CSMD1: variants seen among roughly 807,000 people sequenced by gnomAD.
The protein encoded by CSMD1 is CUB and sushi domain-containing protein 1.
A neutral mutation model predicts 417.5 loss-of-function variants in CSMD1; 213 were observed. That is an observed-to-expected ratio of 0.51 (90% CI 0.46 to 0.57). The LOEUF (loss-of-function observed/expected upper bound fraction) is 0.57. CSMD1 is among the 20% of genes least tolerant of loss of function. CSMD1 has a pLI of 0.00. For synonymous variants in CSMD1, 2,862 were observed against 1,736.8 expected, an observed-to-expected ratio of 1.65 and a Z score of -16.11; for missense variants, 6,923 against 4,529.7, an observed-to-expected ratio of 1.53 and a Z score of -15.17.
intron 5 of CSMD1, among the ~76,000 whole-genome samples, chr8:3,794,454 T>C (rs954193521): frequency 1.3e-5 from 2 of 152,176 alleles, no homozygotes; most frequent in Admixed American, 1.3e-4. Flanking sequence ...TCAGTACTTA[T>C]AAACCAATTA....
At chr8:4,035,190 A>C (rs538830236) in intron 3 of CSMD1, among the ~76,000 whole-genome samples, 5 of 152,188 alleles carry the variant, frequency 3.3e-5, no homozygotes, top group African/African-American at 1.2e-4. Context: ...AGCCGTCATG[A>C]GGTCGTAGTG....
In CSMD1 at chr8:3,284,190, G is replaced by C. The variant is rs146935905; in HGVS notation, c.4107C>G (p.Asp1369Glu). The C allele has an allele frequency of 2.5e-6, 4 of 1,600,044 alleles. No individual in the cohort carries two copies. Among genetic ancestry groups the C allele is most frequent in the Non-Finnish European group, 3.4e-6 (4 of 1,173,458 alleles). The part of the protein sequence containing the change: ...STFNSLTLQF[D>E]SDFFISKSGF... ...CAGACTTGCTGATGAAGAAGTCGCT[G>C]TCGAACTGCAGGGTGAGTGAGTTGA... is the stretch of plus-strand genomic sequence containing the variant. The change falls in exon 26 of 70, where the codon GAC (aspartate) becomes GAG (glutamate). Residue 1369 changes from aspartate (D) to glutamate (E), a missense_variant. Coordinates refer to ENST00000635120, the MANE Select transcript of CSMD1 (RefSeq NM_033225.6).
At chr8:3,830,311 C>CA (rs1802302364) in intron 5 of CSMD1, among the ~76,000 whole-genome samples, 2 of 152,332 alleles carry the variant, frequency 1.3e-5, no homozygotes, top group Middle Eastern at 3.4e-3. Context: ...AACTAAGCGT[C>CA]AGCCTTCACT....
chr8:3,680,922 A>T (rs1799625186), intron 7 of CSMD1, among the ~76,000 whole-genome samples: 1 of 152,214 alleles, frequency 6.6e-6, no homozygotes, highest in African/African-American at 2.4e-5. Context: ...ATATAAACAG[A>T]ACCAATGACA....
intron 18 of CSMD1, among the ~76,000 whole-genome samples, chr8:3,382,962 G>C (rs1810732549): frequency 6.6e-6 from 1 of 152,148 alleles, no homozygotes; most frequent in African/African-American, 2.4e-5. Context: ...GATGCTCACA[G>C]GCATGGCCAC....
chr8:3,405,026 T>C (rs1427064243), intron 15 of CSMD1, among the ~76,000 whole-genome samples: 2 of 152,186 alleles, frequency 1.3e-5, no homozygotes, highest in African/African-American at 4.8e-5. Flanking sequence ...ACAAGAATAA[T>C]TTTAAGAGTC....
intron 3 of CSMD1, among the ~76,000 whole-genome samples, chr8:4,137,929 G>C (rs1244708003): frequency 6.6e-6 from 1 of 151,566 alleles, no homozygotes; most frequent in Non-Finnish European, 1.5e-5. Flanking sequence ...CCAGGTTGGA[G>C]TGCAGTGGCG....
chr8:4,776,388 G>A (rs1041965850), intron 1 of CSMD1, among the ~76,000 whole-genome samples: 19 of 152,036 alleles, frequency 1.2e-4, no homozygotes, highest in Admixed American at 2.0e-4. Flanking sequence ...TCTACTATAC[G>A]TTAACTCAGG....
chr8:4,320,661 A>G (rs1585226079), intron 3 of CSMD1, among the ~76,000 whole-genome samples: 1 of 152,130 alleles, frequency 6.6e-6, no homozygotes, highest in East Asian at 1.9e-4. Flanking sequence ...TTACAGCTTC[A>G]TCGATGTCCT....
intron 3 of CSMD1, among the ~76,000 whole-genome samples, chr8:4,269,259 G>T (rs1267832799): frequency 6.6e-6 from 1 of 152,100 alleles, no homozygotes; most frequent in Non-Finnish European, 1.5e-5. Flanking sequence ...GTTTCACCAT[G>T]TTGCCCAGGC....
chr8:4,247,943 C>T (rs947410230), intron 3 of CSMD1, among the ~76,000 whole-genome samples: 4 of 152,096 alleles, frequency 2.6e-5, no homozygotes, highest in African/African-American at 9.7e-5. Context: ...ATCAAATATT[C>T]ATAATTTTTT....
intron 1 of CSMD1, among the ~76,000 whole-genome samples, chr8:4,746,867 A>T (rs910152154): frequency 3.9e-5 from 6 of 152,242 alleles, no homozygotes; most frequent in Non-Finnish European, 7.3e-5. Context: ...TGCAAACAAC[A>T]TTCTTTAAAA....
At chr8:3,276,486 A>T (rs867422705) in intron 26 of CSMD1, among the ~76,000 whole-genome samples, 1 of 152,274 alleles carries the variant, frequency 6.6e-6, no homozygotes, top group South Asian at 2.1e-4. Flanking sequence ...ACTCCCATTT[A>T]TAAAACCATG....
chr8:3,992,653 C>T (rs1192922289), intron 5 of CSMD1, among the ~76,000 whole-genome samples: 1 of 152,088 alleles, frequency 6.6e-6, no homozygotes, highest in African/African-American at 2.4e-5. Context: ...CAGGGTTCTG[C>T]ACCTGTAGTC....
chr8:4,912,115 A>G (rs540274496), intron 1 of CSMD1, among the ~76,000 whole-genome samples: 1 of 129,378 alleles, frequency 7.7e-6, no homozygotes, highest in African/African-American at 3.0e-5. Flanking sequence ...AGTGCTCAAC[A>G]TAGCTTCAAA....
intron 8 of CSMD1, among the ~76,000 whole-genome samples, chr8:3,593,234 A>T (rs1205178751): frequency 1.3e-5 from 2 of 152,234 alleles, no homozygotes; most frequent in African/African-American, 4.8e-5. Flanking sequence ...GAGGAGACAG[A>T]ACAAGACAGA....
chr8:4,144,481 G>C (rs996466941), intron 3 of CSMD1, among the ~76,000 whole-genome samples: 1 of 151,088 alleles, frequency 6.6e-6, no homozygotes, highest in Non-Finnish European at 1.5e-5. Flanking sequence ...TTCTGCAAAT[G>C]GATATCCGCT....
At chr8:3,630,487 T>C (rs75623369) in intron 7 of CSMD1, among the ~76,000 whole-genome samples, 8,211 of 152,142 alleles carry the variant, frequency 0.054, 258 homozygotes, top group Middle Eastern at 0.12. Context: ...GATGCTTAGA[T>C]GAGAAGGTCC....
At chr8:3,778,803 CT>C in intron 5 of CSMD1, among the ~76,000 whole-genome samples, 1 of 152,338 alleles carries the variant, frequency 6.6e-6, no homozygotes, top group African/African-American at 2.4e-5. Flanking sequence ...GCTCCGAACA[CT>C]TTTCTCCTGA....
Sources: gnomAD v4.1 joint callset for allele counts (sites outside exome capture counted in the v4.1 genomes callset) on GRCh38, gnomAD v4.1.1 for gene constraint, MANE v1.5 for transcripts, NCBI Gene and HGNC (gene_info 2026-07-23, HGNC 2026-07-21) for gene names.